Variants in ENPP6 observed in about 807,000 individuals in gnomAD.
The protein encoded by ENPP6 is ectonucleotide pyrophosphatase/phosphodiesterase 6.
A neutral mutation model predicts 42.0 loss-of-function variants in ENPP6; 32 were observed. The ratio of observed to expected loss-of-function variants is 0.76; its 90% CI spans 0.58 to 1.02. The LOEUF is 1.02. Among genes scored for constraint, ENPP6 ranks in the 50% least tolerant of loss-of-function variants. The pLI is 0.00. For synonymous variants in ENPP6, 213 were observed against 216.0 expected, an observed-to-expected ratio of 0.99 and a Z score of 0.12; for missense variants, 552 against 566.8, an observed-to-expected ratio of 0.97 and a Z score of 0.27.
intron 1 of ENPP6, among the ~76,000 whole-genome samples, chr4:184,202,526 C>T (rs908129859): frequency 1.3e-5 from 2 of 152,174 alleles, no homozygotes; most frequent in African/African-American, 4.8e-5. Flanking sequence ...CTGCAACCCC[C>T]GACCCACACC....
At position 184,217,725 on chromosome 4, in the gene ENPP6, T is replaced by C; in HGVS notation, c.95A>G (p.Asp32Gly). Residue 32 changes from aspartate to glycine, a missense_variant, in exon 1 of 8, where the codon GAT becomes GGT. By Grantham distance (94) the Asp-to-Gly change is moderately conservative. This residue lies in a region of ENPP6 where 545 missense variants were observed against 546.3 expected (regional missense o/e 1.00). Coordinates refer to ENST00000296741, the MANE Select transcript of ENPP6 (RefSeq NM_153343.4). The part of the protein sequence containing the change: ...ARRKLLVFLL[D>G]GFRSDYISDE... Reference sequence around the variant, plus strand: ...ACTGATGTAGTCTGAGCGAAAACCATCCAGCAGAAACACCAGCAGCTTCCG... The same window carrying C: ...ACTGATGTAGTCTGAGCGAAAACCACCCAGCAGAAACACCAGCAGCTTCCG... The C allele has an allele frequency of 6.2e-7, 1 of 1,614,138 alleles. No individual in the cohort carries two copies. The highest frequency in any genetic ancestry group is 8.5e-7 in the Non-Finnish European group (1 of 1,180,022).
chr4:184,120,282 G>C (rs1037199073), intron 3 of ENPP6, among the ~76,000 whole-genome samples: 1 of 152,158 alleles, frequency 6.6e-6, no homozygotes, highest in Admixed American at 6.5e-5. Context: ...GGAAAGAGTT[G>C]TGTCATCCAT....
At chr4:184,116,770 A>AAAAAAACTAC in intron 5 of ENPP6, 86 bp downstream of exon 5, 3 of 1,526,690 alleles carry the variant, frequency 2.0e-6, no homozygotes, top group Middle Eastern at 2.5e-4. Flanking sequence ...AAAACAAAAC[A>AAAAAAACTAC]AAAAAACTAC....
At chr4:184,213,510 C>A (rs1212901315) in intron 1 of ENPP6, among the ~76,000 whole-genome samples, 1 of 151,904 alleles carries the variant, frequency 6.6e-6, no homozygotes, top group Non-Finnish European at 1.5e-5. Flanking sequence ...CACTGGCCAT[C>A]AGAGAAATGC....
chr4:184,145,953 AG>A (rs1185256109), intron 2 of ENPP6, among the ~76,000 whole-genome samples: 1 of 152,142 alleles, frequency 6.6e-6, no homozygotes, highest in African/African-American at 2.4e-5. Flanking sequence ...TTAGCACACC[AG>A]TTTGGTCAAA....
chr4:184,168,463 C>T (rs191035936), intron 1 of ENPP6, among the ~76,000 whole-genome samples: 15 of 152,350 alleles, frequency 9.8e-5, no homozygotes, highest in Admixed American at 2.0e-4. Context: ...AAAAGCAGCA[C>T]CACGTTGCAT....
Position 184,091,073 on chromosome 4 carries a change from A to G in ENPP6, c.*104T>C, listed in dbSNP as rs893484703. 4 of 1,063,192 alleles carry G rather than the reference A, an allele frequency of 3.8e-6. No individual in the cohort carries two copies. The African/African-American group carries it at 4.8e-5, about 13-fold the overall frequency. 65.9% of individuals were successfully genotyped at this position (1,063,192 alleles called of 1,614,324 possible). Reference sequence around the variant, plus strand: ...TGTATTTACAATGTGCATGGTCTTGATTGTGTTAATGAAGCTATTATTCAC... The same window carrying G: ...TGTATTTACAATGTGCATGGTCTTGGTTGTGTTAATGAAGCTATTATTCAC... On this transcript the variant is annotated 3_prime_UTR_variant, in exon 8 of 8. Coordinates refer to ENST00000296741, the MANE Select transcript of ENPP6 (RefSeq NM_153343.4).
At chr4:184,113,359 T>C (rs1269774917) in intron 5 of ENPP6, among the ~76,000 whole-genome samples, 1 of 152,120 alleles carries the variant, frequency 6.6e-6, no homozygotes, top group South Asian at 2.1e-4. Flanking sequence ...ATGGTAAAAC[T>C]GTAAACGGAG....
rs114497729 is a variant in ENPP6, at chr4:184,122,262, T to A, written c.533+1899A>T. On this transcript the variant is annotated intron_variant, in intron 3 of 7. Transcript: ENST00000296741. ...CAAGGCCATCTACATAGACCACAATTTAAATACGTGGAGCTGGGCAGTATG... is the reference window on the plus strand; with the variant it reads ...CAAGGCCATCTACATAGACCACAATATAAATACGTGGAGCTGGGCAGTATG... Among the ~76,000 whole-genome samples the A allele has an allele frequency of 5.2e-3, 796 of 152,270 alleles. 8 individuals carry two copies. Among genetic ancestry groups the A allele is most frequent in the South Asian group, 0.038 (182 of 4,822 alleles).
rs17623237 is a variant in ENPP6, at chr4:184,183,273, C to T, written c.242-29540G>A. Among the ~76,000 whole-genome samples, 1,014 of 152,250 alleles carry T rather than the reference C, an allele frequency of 6.7e-3. 34 individuals carry two copies. Among genetic ancestry groups the T allele is most frequent in the Admixed American group, 0.053 (814 of 15,292 alleles). Reference sequence around the variant, plus strand: ...GATATCTGATTCTATTAGGCAGACACTGAGTATGTAGAAATATGTAAATAG... The same window carrying T: ...GATATCTGATTCTATTAGGCAGACATTGAGTATGTAGAAATATGTAAATAG... On this transcript the variant is annotated intron_variant, in intron 1 of 7. Transcript: ENST00000296741.
intron 1 of ENPP6, 101 bp downstream of exon 1, chr4:184,217,478 G>A: frequency 6.7e-7 from 1 of 1,486,306 alleles, no homozygotes; most frequent in Non-Finnish European, 9.1e-7. Flanking sequence ...AAGGACTAGA[G>A]AATCCAGAGC....
chr4:184,188,333 G>T (rs965622801), intron 1 of ENPP6, among the ~76,000 whole-genome samples: 1 of 151,612 alleles, frequency 6.6e-6, no homozygotes, highest in Non-Finnish European at 1.5e-5. Context: ...TACAATGTAT[G>T]TTGTTAACCC....
At chr4:184,123,781 T>C (rs1736457415) in intron 3 of ENPP6, among the ~76,000 whole-genome samples, 1 of 152,206 alleles carries the variant, frequency 6.6e-6, no homozygotes. Flanking sequence ...TAGGCAATTT[T>C]CCCAAACTTA....
At chr4:184,137,066 G>T (rs189741260) in intron 2 of ENPP6, among the ~76,000 whole-genome samples, 17 of 152,162 alleles carry the variant, frequency 1.1e-4, no homozygotes, top group Admixed American at 5.2e-4. Context: ...ACTACTGCAG[G>T]TCTCCATTTT....
At chr4:184,166,381 T>C (rs919289064) in intron 1 of ENPP6, among the ~76,000 whole-genome samples, 1 of 152,206 alleles carries the variant, frequency 6.6e-6, no homozygotes, top group African/African-American at 2.4e-5. Flanking sequence ...TTTGAGGTCA[T>C]TGGACTTAAA....
intron 6 of ENPP6, among the ~76,000 whole-genome samples, chr4:184,101,244 TGA>T (rs1382609283): frequency 1.3e-5 from 2 of 150,428 alleles, no homozygotes; most frequent in African/African-American, 5.0e-5. Flanking sequence ...TGTGTATATG[TGA>T]GTGTGTGTTT....
At chr4:184,151,485 A>C (rs1031656224) in intron 2 of ENPP6, among the ~76,000 whole-genome samples, 1 of 152,116 alleles carries the variant, frequency 6.6e-6, no homozygotes, top group Non-Finnish European at 1.5e-5. Context: ...TCTCCAGGAG[A>C]TCTTATGTGG....
In ENPP6 at chr4:184,175,072, G is replaced by A. The variant is rs374442480; in HGVS notation, c.242-21339C>T. 4.6e-4 allele frequency among the ~76,000 whole-genome samples: 70 copies of A among 152,244 alleles called. No individual in the cohort carries two copies. The South Asian group carries it at 0.012, about 26-fold the overall frequency. On this transcript the variant is annotated intron_variant, in intron 1 of 7. Coordinates refer to ENST00000296741, the MANE Select transcript of ENPP6 (RefSeq NM_153343.4). ...AGACCCCACTCGATGTAGTATCCCC[G>A]TCTCTCCTCTTGGCTCCCAGGACCT... is the stretch of plus-strand genomic sequence containing the variant.
chr4:184,142,107 A>G (rs1160185332), intron 2 of ENPP6, among the ~76,000 whole-genome samples: 1 of 152,160 alleles, frequency 6.6e-6, no homozygotes, highest in East Asian at 1.9e-4. Context: ...GGTACTTTCC[A>G]CTGTGCGCAC....
Sources: gnomAD v4.1 joint callset for allele counts (sites outside exome capture counted in the v4.1 genomes callset) on GRCh38, gnomAD v4.1.1 for gene constraint, gnomAD v4.1.1 regional missense constraint, MANE v1.5 for transcripts, NCBI Gene and HGNC (gene_info 2026-07-23, HGNC 2026-07-21) for gene names.